CYP7B1: variants seen among roughly 807,000 people sequenced by gnomAD.
CYP7B1 encodes cytochrome P450 family 7 subfamily B member 1.
Under a neutral mutation model 42.7 loss-of-function variants are expected in CYP7B1, and 29 were observed. That is an observed-to-expected ratio of 0.68 (90% confidence interval 0.51 to 0.93). The LOEUF is 0.93. Among genes scored for constraint, CYP7B1 ranks in the 40% least tolerant of loss-of-function variants. CYP7B1 has a pLI of 0.00. For missense variants in CYP7B1, 655 were observed against 600.5 expected, an observed-to-expected ratio of 1.09 and a Z score of -0.95; for synonymous variants, 235 against 218.2, an observed-to-expected ratio of 1.08 and a Z score of -0.68.
chr8:64,738,782 C>T (rs1563410598), intron 1 of CYP7B1, among the ~76,000 whole-genome samples: 1 of 152,146 alleles, frequency 6.6e-6, no homozygotes, highest in African/African-American at 2.4e-5. Flanking sequence ...CAGGCTAATC[C>T]AAAGAGTTGA....
intron 1 of CYP7B1, among the ~76,000 whole-genome samples, chr8:64,772,005 A>C (rs1352115452): frequency 6.6e-6 from 1 of 152,160 alleles, no homozygotes; most frequent in African/African-American, 2.4e-5. Context: ...TTCTTTCCCC[A>C]AACTCCTAAG....
intron 1 of CYP7B1, among the ~76,000 whole-genome samples, chr8:64,647,374 C>T (rs562010029): frequency 6.6e-5 from 10 of 152,032 alleles, no homozygotes; most frequent in Non-Finnish European, 1.5e-4. Context: ...GAAGTGAGCA[C>T]ATGGTGTTGC....
chr8:64,750,890 G>A (rs1807716078), intron 1 of CYP7B1, among the ~76,000 whole-genome samples: 1 of 152,094 alleles, frequency 6.6e-6, no homozygotes, highest in African/African-American at 2.4e-5. Context: ...TGCCCTCTAG[G>A]CATCACTGAT....
intron 1 of CYP7B1, among the ~76,000 whole-genome samples, chr8:64,767,344 G>T (rs1804112628): frequency 6.6e-6 from 1 of 152,154 alleles, no homozygotes; most frequent in African/African-American, 2.4e-5. Context: ...GGAAATAGAA[G>T]GGAACTGCCA....
At chr8:64,778,903 G>A (rs1286204256) in intron 1 of CYP7B1, among the ~76,000 whole-genome samples, 1 of 152,060 alleles carries the variant, frequency 6.6e-6, no homozygotes, top group African/African-American at 2.4e-5. Context: ...CAGTAAATGG[G>A]ATAGAGCAAA....
At chr8:64,660,295 T>C (rs779998696) in intron 1 of CYP7B1, among the ~76,000 whole-genome samples, 5 of 152,230 alleles carry the variant, frequency 3.3e-5, no homozygotes, top group Non-Finnish European at 7.3e-5. Context: ...ATCATTATTG[T>C]GTAACAAACT....
chr8:64,747,900 T>G (rs1419820644), intron 1 of CYP7B1, among the ~76,000 whole-genome samples: 1 of 151,930 alleles, frequency 6.6e-6, no homozygotes, highest in African/African-American at 2.4e-5. Flanking sequence ...CAGAAGAAAG[T>G]ATGAAGTCAC....
chr8:64,588,337 C>G (rs891213084), downstream of CYP7B1, among the ~76,000 whole-genome samples: 4 of 152,158 alleles, frequency 2.6e-5, no homozygotes, highest in African/African-American at 9.7e-5. Flanking sequence ...AATGGTATCA[C>G]TGGTTATATA....
chr8:64,625,296 G>A lies in CYP7B1; in HGVS notation c.123-757C>T, dbSNP rs577564186. On this transcript the variant is annotated intron_variant, in intron 1 of 5. Transcript: ENST00000310193. The stretch of plus-strand genomic sequence containing the variant: ...CCTATTATATCATTCGTACGCCTTT[G>A]CATCCTGGTGAGCAATTTTTTGAAG... Among the ~76,000 whole-genome samples the A allele has an allele frequency of 3.3e-5, 5 of 152,244 alleles. No individual in the cohort carries two copies. In the East Asian group the frequency reaches 9.7e-4, roughly 29 times the overall value.
chr8:64,694,728 T>C (rs78428801), intron 1 of CYP7B1, among the ~76,000 whole-genome samples: 1 of 152,172 alleles, frequency 6.6e-6, no homozygotes, highest in Non-Finnish European at 1.5e-5. Context: ...CCAAAAAAAT[T>C]GGAAGGAAAT....
intron 4 of CYP7B1, among the ~76,000 whole-genome samples, chr8:64,605,643 A>C (rs1805267769): frequency 6.6e-6 from 1 of 152,196 alleles, no homozygotes; most frequent in Admixed American, 6.5e-5. Context: ...TTCTGATAGC[A>C]TGCATATCAG....
chr8:64,651,636 G>A (rs1206366425), intron 1 of CYP7B1, among the ~76,000 whole-genome samples: 1 of 152,180 alleles, frequency 6.6e-6, no homozygotes, highest in Non-Finnish European at 1.5e-5. Flanking sequence ...ATTAGGTCAT[G>A]AAGGCAGAGC....
intron 1 of CYP7B1, among the ~76,000 whole-genome samples, chr8:64,697,481 G>C (rs1806846700): frequency 6.6e-6 from 1 of 152,128 alleles, no homozygotes; most frequent in Non-Finnish European, 1.5e-5. Context: ...CCAACACCTA[G>C]GATAGTGCCA....
intron 1 of CYP7B1, chr8:64,732,775 C>A (rs998719749): frequency 9.9e-5 from 15 of 152,118 alleles, no homozygotes; most frequent in African/African-American, 3.1e-4. Context: ...TCCCCTCATG[C>A]TGTTCAAATA....
chr8:64,628,926 C>A (rs1230801898), intron 1 of CYP7B1, among the ~76,000 whole-genome samples: 1 of 152,010 alleles, frequency 6.6e-6, no homozygotes, highest in East Asian at 1.9e-4. Context: ...TTTTTCCCCT[C>A]AACATTTAAA....
intron 1 of CYP7B1, chr8:64,704,061 C>T (rs181139906): frequency 6.6e-6 from 1 of 152,182 alleles, no homozygotes; most frequent in African/African-American, 2.4e-5. Context: ...CAATAAAAAA[C>T]TAACCCATGA....
rs1383850030 is a variant in CYP7B1, at chr8:64,593,438, C to G, written c.*3204G>C. Reference sequence around the variant, plus strand: ...GGTAAAAATAAACAAAAAAATGAACCCCCAAATGTGTCCCCTGTCTATTCC... The same window carrying G: ...GGTAAAAATAAACAAAAAAATGAACGCCCAAATGTGTCCCCTGTCTATTCC... On this transcript the variant is annotated 3_prime_UTR_variant, in exon 6 of 6. Transcript: ENST00000310193. Among the ~76,000 whole-genome samples the G allele has an allele frequency of 1.3e-5, 2 of 152,006 alleles. No individual in the cohort carries two copies. The highest frequency in any genetic ancestry group is 4.8e-5 in the African/African-American group (2 of 41,364).
At chr8:64,645,792 A>G (rs147179190) in intron 1 of CYP7B1, among the ~76,000 whole-genome samples, 75,448 of 151,732 alleles carry the variant, frequency 0.5, 20,102 homozygotes, top group Non-Finnish European at 0.58. Context: ...ACCTGACTTC[A>G]AACTATACTA....
chr8:64,669,539 T>A (rs1806333462), intron 1 of CYP7B1, among the ~76,000 whole-genome samples: 1 of 152,160 alleles, frequency 6.6e-6, no homozygotes, highest in Non-Finnish European at 1.5e-5. Flanking sequence ...TCATATTTCT[T>A]ATATAATAAT....
Sources: allele counts gnomAD v4.1 joint callset (sites outside exome capture counted in the v4.1 genomes callset), GRCh38; gene constraint gnomAD v4.1.1; transcripts MANE v1.5; gene names NCBI Gene and HGNC (gene_info 2026-07-23, HGNC 2026-07-21).